The following PLXNA4 variants were observed in gnomAD, a reference collection of about 807,000 sequenced individuals.
The protein encoded by PLXNA4 is plexin A4.
A neutral mutation model predicts 191.8 loss-of-function variants in PLXNA4; 44 were observed. That is an observed-to-expected ratio of 0.23 (90% confidence interval 0.18 to 0.29). The LOEUF (loss-of-function observed/expected upper bound fraction) is 0.29, where lower values mean the gene tolerates loss of function less well. PLXNA4 is among the 10% of genes least tolerant of loss of function. PLXNA4 has a pLI of 1.00. For synonymous variants in PLXNA4, 1,082 were observed against 1,009.5 expected, an observed-to-expected ratio of 1.07 and a Z score of -1.36; for missense variants, 1,800 against 2,488.8, an observed-to-expected ratio of 0.72 and a Z score of 5.89.
Position 132,513,610 on chromosome 7 carries a change from C to T in PLXNA4, c.-86-4831G>A, listed in dbSNP as rs113246576. 8.8e-3 allele frequency among the ~76,000 whole-genome samples: 1,343 copies of T among 152,202 alleles called. 39 individuals are homozygous for T. The highest frequency in any genetic ancestry group is 0.031 in the African/African-American group (1,281 of 41,542). On this transcript the variant is annotated intron_variant, in intron 1 of 31. Transcript: ENST00000321063. ...CCCTAAGATGGCATTTCAAAATTCA[C>T]GTCACAACACACCATGAATTAGGTG...
chr7:132,622,667 G>A (rs1335989815), intron 2 of PLXNA4, among the ~76,000 whole-genome samples: 40 of 152,264 alleles, frequency 2.6e-4, no homozygotes, highest in East Asian at 1.9e-4. Flanking sequence ...GTTGGTCAGC[G>A]CATCAGGCTT....
At chr7:132,636,659 C>T (rs747209788) in intron 2 of PLXNA4, among the ~76,000 whole-genome samples, 1 of 152,162 alleles carries the variant, frequency 6.6e-6, no homozygotes, top group Non-Finnish European at 1.5e-5. Flanking sequence ...TCACGTAAAG[C>T]CTTGGAAGGT....
chr7:132,369,237 C>A (rs758190627), intron 3 of PLXNA4, among the ~76,000 whole-genome samples: 89 of 152,204 alleles, frequency 5.8e-4, no homozygotes, highest in Non-Finnish European at 9.0e-4. Flanking sequence ...GCCTAAGCCC[C>A]TCCTTTGATT....
intron 4 of PLXNA4, among the ~76,000 whole-genome samples, chr7:132,243,647 C>T (rs1022700102): frequency 1.3e-5 from 2 of 152,130 alleles, no homozygotes; most frequent in Admixed American, 6.5e-5. Flanking sequence ...TCTGGCTTAA[C>T]ATGGAGATAA....
At chr7:132,208,288 G>A (rs1007237506) in intron 10 of PLXNA4, among the ~76,000 whole-genome samples, 2 of 152,252 alleles carry the variant, frequency 1.3e-5, no homozygotes, top group Admixed American at 6.5e-5. Context: ...TCTACTGTCT[G>A]AGGGGCACAC....
chr7:132,508,740 C>A lies in PLXNA4; in HGVS notation c.-47G>T. Reference sequence around the variant, plus strand: ...CACAGCAGCACTCAGGCACAGTCGTCCCCTCAGAGGGCCAGGACTCAGCAA... The same window carrying A: ...CACAGCAGCACTCAGGCACAGTCGTACCCTCAGAGGGCCAGGACTCAGCAA... On this transcript the variant is annotated 5_prime_UTR_variant, in exon 2 of 32. Coordinates refer to ENST00000321063, the MANE Select transcript of PLXNA4 (RefSeq NM_020911.2). The surrounding 1 kb of genome is among the most constrained non-coding windows in gnomAD (Gnocchi z 4.4). 6.8e-7 allele frequency: 1 copy of A among 1,463,728 alleles called. No individual in the cohort carries two copies. Among genetic ancestry groups the A allele is most frequent in the Non-Finnish European group, 9.0e-7 (1 of 1,111,654 alleles). The allele number at this position is 1,463,728 out of a possible 1,614,324, so 90.7% of individuals were successfully genotyped here.
rs1037050926 is a variant in PLXNA4 at position 132,472,041 on chromosome 7, T to A, written c.1371+17251A>T. Among the ~76,000 whole-genome samples the A allele has an allele frequency of 4.6e-5, 7 of 152,240 alleles. No homozygotes were observed. The East Asian group carries it at 1.3e-3, about 29-fold the overall frequency. The stretch of plus-strand genomic sequence containing the variant: ...CTGATGGAGTATTTCTCGGAACTTG[T>A]ACTCTGCAGAAAACACTCTGTAAAG... On this transcript the variant is annotated intron_variant, in intron 3 of 31. Transcript: ENST00000321063.
chr7:132,420,271 G>A (rs377109460), intron 3 of PLXNA4, among the ~76,000 whole-genome samples: 8 of 152,298 alleles, frequency 5.3e-5, no homozygotes, highest in South Asian at 2.1e-4. Flanking sequence ...TGTATCACAC[G>A]TTTCTCACTC....
At chr7:132,227,871 G>A (rs1247752825) in intron 6 of PLXNA4, among the ~76,000 whole-genome samples, 1 of 152,142 alleles carries the variant, frequency 6.6e-6, no homozygotes, top group Non-Finnish European at 1.5e-5. Context: ...TAAGGGATTT[G>A]CGTGGTGCCA....
At chr7:132,371,688 G>A (rs374907169) in intron 3 of PLXNA4, among the ~76,000 whole-genome samples, 12 of 152,268 alleles carry the variant, frequency 7.9e-5, no homozygotes, top group Admixed American at 1.3e-4. Context: ...GTTCACAGCC[G>A]TCCTTGAAAG....
chr7:132,387,151 A>T (rs1007115397), intron 3 of PLXNA4, among the ~76,000 whole-genome samples: 2 of 152,192 alleles, frequency 1.3e-5, no homozygotes, highest in African/African-American at 4.8e-5. Flanking sequence ...GCTGGTCTAG[A>T]TCCTTGCCAC....
chr7:132,427,296 C>T (rs1018885662), intron 3 of PLXNA4, among the ~76,000 whole-genome samples: 7 of 152,200 alleles, frequency 4.6e-5, no homozygotes, highest in Admixed American at 1.3e-4. Context: ...GATTGGAGTG[C>T]AGGGCTGGAA....
intron 4 of PLXNA4, among the ~76,000 whole-genome samples, chr7:132,292,016 A>G (rs1416827262): frequency 6.6e-6 from 1 of 152,126 alleles, no homozygotes; most frequent in African/African-American, 2.4e-5. Context: ...GCTGGTCTCG[A>G]ACTCCTGACC....
intron 3 of PLXNA4, among the ~76,000 whole-genome samples, chr7:132,394,796 G>A (rs1793679946): frequency 6.6e-6 from 1 of 152,230 alleles, no homozygotes; most frequent in Admixed American, 6.5e-5. Flanking sequence ...TGAGGAAGCT[G>A]CTGGTCCACC....
intron 3 of PLXNA4, among the ~76,000 whole-genome samples, chr7:132,437,396 G>A (rs896496730): frequency 7.9e-5 from 12 of 152,110 alleles, no homozygotes; most frequent in Admixed American, 3.9e-4. Flanking sequence ...GTGACCACAC[G>A]TGTGTGTGCA....
rs921874863 is a variant in PLXNA4 at position 132,609,097 on chromosome 7, G to A, written c.-87+36831C>T. Among the ~76,000 whole-genome samples, 5 of 152,262 alleles carry A rather than the reference G, an allele frequency of 3.3e-5. No homozygotes were observed. The South Asian group carries it at 1.0e-3, about 32-fold the overall frequency. On this transcript the variant is annotated intron_variant, in intron 2 of 4. Transcript: ENST00000378539. Reference sequence around the variant, plus strand: ...GTGTCCACATGAGTGACATGCCACAGCCCCCTCCGTCCCATTCCCAGTGGG... The same window carrying A: ...GTGTCCACATGAGTGACATGCCACAACCCCCTCCGTCCCATTCCCAGTGGG...
chr7:132,647,902 C>A (rs557249665), intron 1 of PLXNA4, among the ~76,000 whole-genome samples: 2 of 151,792 alleles, frequency 1.3e-5, no homozygotes, highest in African/African-American at 4.8e-5. Flanking sequence ...TATATACTCA[C>A]GAACACACAC....
intron 3 of PLXNA4, among the ~76,000 whole-genome samples, chr7:132,313,074 C>T (rs1029874123): frequency 1.3e-5 from 2 of 152,150 alleles, no homozygotes; most frequent in Non-Finnish European, 1.5e-5. Context: ...TTTGCAGCTG[C>T]CCCCTGGATG....
intron 3 of PLXNA4, among the ~76,000 whole-genome samples, chr7:132,418,578 C>T (rs1164721791): frequency 2.0e-5 from 3 of 152,218 alleles, no homozygotes; most frequent in South Asian, 2.1e-4. Context: ...GGTTCACAAA[C>T]TCACTGCTTG....
Sources: gnomAD v4.1 joint callset for allele counts (sites outside exome capture counted in the v4.1 genomes callset) on GRCh38, gnomAD v4.1.1 for gene constraint, Gnocchi (gnomAD v3.1) non-coding constraint, MANE v1.5 for transcripts, NCBI Gene and HGNC (gene_info 2026-07-23, HGNC 2026-07-21) for gene names.